TMCO4: variants seen among roughly 807,000 people sequenced by gnomAD.
TMCO4 encodes transmembrane and coiled-coil domains 4, also known as transmembrane and coiled-coil domain-containing protein 4.
Under a neutral mutation model 64.7 loss-of-function variants are expected in TMCO4, and 58 were observed. That is an observed-to-expected ratio of 0.90 (90% CI 0.73 to 1.12). TMCO4 has a LOEUF of 1.12. Among genes scored for constraint, TMCO4 ranks in the 50% most tolerant of loss-of-function variants. The probability of loss-of-function intolerance (pLI) is 0.00; values close to 1 mark genes in which losing one functional copy is unlikely to be tolerated. For synonymous variants in TMCO4, 325 were observed against 346.1 expected, an observed-to-expected ratio of 0.94 and a Z score of 0.68; for missense variants, 780 against 825.9, an observed-to-expected ratio of 0.94 and a Z score of 0.68.
chr1:19,793,494 T>C (rs1453488650), intron 2 of TMCO4, among the ~76,000 whole-genome samples: 2 of 152,072 alleles, frequency 1.3e-5, no homozygotes, highest in African/African-American at 4.8e-5. Flanking sequence ...CAGGCCCAGG[T>C]CAGCACCCTC....
chr1:19,723,812 G>GGGGGC (rs1479365873), intron 13 of TMCO4, among the ~76,000 whole-genome samples: 2 of 152,196 alleles, frequency 1.3e-5, no homozygotes, highest in Non-Finnish European at 2.9e-5. Context: ...TGGCCAATCT[G>GGGGGC]TGAGAGGAGG....
Position 19,683,056 on chromosome 1 carries a change from C to A in TMCO4, c.1889G>T (p.Ser630Ile). ...CTGCTGTGGTCAGTCCAGCCCCGTGCTGGGGCCCTGGGTCTTGCAGGCACA... is the reference window on the plus strand; with the variant it reads ...CTGCTGTGGTCAGTCCAGCCCCGTGATGGGGCCCTGGGTCTTGCAGGCACA... ...PDCACKTQGP[S>I]TGLD Residue 630 changes from serine to isoleucine, a missense_variant, in exon 16 of 16, where the codon AGC (serine) becomes ATC (isoleucine). Ser to Ile is a moderately radical substitution (Grantham distance 142). Coordinates refer to ENST00000294543, the MANE Select transcript of TMCO4 (RefSeq NM_181719.7). The A allele has an allele frequency of 6.3e-7, 1 of 1,591,092 alleles. No individual in the cohort carries two copies. The highest frequency in any genetic ancestry group is 1.7e-4 in the Middle Eastern group (1 of 5,908).
intron 4 of TMCO4, among the ~76,000 whole-genome samples, chr1:19,778,365 C>G (rs1224792082): frequency 1.3e-5 from 2 of 152,006 alleles, no homozygotes; most frequent in African/African-American, 4.8e-5. Context: ...CCTCTGCCTC[C>G]CGGGTTCAAG....
chr1:19,753,136 T>C (rs2042093052), intron 7 of TMCO4, among the ~76,000 whole-genome samples: 2 of 152,030 alleles, frequency 1.3e-5, no homozygotes, highest in South Asian at 4.2e-4. Flanking sequence ...ATTTTTGTAT[T>C]TTTAGTAGAG....
intron 6 of TMCO4, among the ~76,000 whole-genome samples, chr1:19,759,040 T>C (rs1043420129): frequency 6.9e-6 from 1 of 145,452 alleles, no homozygotes; most frequent in Non-Finnish European, 1.5e-5. Flanking sequence ...AGGCAGAGGT[T>C]GTAGTGAGCC....
chr1:19,751,707 C>G (rs1269183792), intron 7 of TMCO4, among the ~76,000 whole-genome samples: 1 of 152,178 alleles, frequency 6.6e-6, no homozygotes, highest in Non-Finnish European at 1.5e-5. Flanking sequence ...TAACGTTCAG[C>G]TGAATGGCCA....
chr1:19,721,130 C>T (rs758890192), intron 13 of TMCO4, among the ~76,000 whole-genome samples: 9 of 152,046 alleles, frequency 5.9e-5, no homozygotes, highest in Non-Finnish European at 1.2e-4. Context: ...CTGAGACTCA[C>T]GCATGGGACC....
At chr1:19,746,653 G>A (rs36067693) in intron 8 of TMCO4, 54 bp from the exon 9 acceptor site, 339,774 of 1,555,232 alleles carry the variant, frequency 0.22, 39,214 homozygotes, top group East Asian at 0.35. Context: ...GGCTGGACGC[G>A]GTGGCTCACG....
At chr1:19,783,568 A>C (rs1361118570) in intron 3 of TMCO4, among the ~76,000 whole-genome samples, 7 of 152,266 alleles carry the variant, frequency 4.6e-5, no homozygotes, top group Non-Finnish European at 1.0e-4. Context: ...CTTTTACAGC[A>C]CATAACTGTT....
intron 13 of TMCO4, among the ~76,000 whole-genome samples, chr1:19,723,692 C>A (rs1040439603): frequency 6.6e-6 from 1 of 152,218 alleles, no homozygotes; most frequent in African/African-American, 2.4e-5. Context: ...GGTCTCCTTT[C>A]CTCACCTGTA....
chr1:19,700,313 T>G (rs914017804), intron 14 of TMCO4, among the ~76,000 whole-genome samples: 43 of 151,966 alleles, frequency 2.8e-4, no homozygotes, highest in African/African-American at 1.0e-3. Flanking sequence ...CTGCCCTGTC[T>G]CCAAGGCAGC....
rs1384956644 is a variant in TMCO4 at position 19,743,049 on chromosome 1, C to CA, written c.878-2109dup. ...TGGTGATACAGCAAGACTCCGTCTC[C>CA]AAAAGAAAATAAAAATAAAAAAAAT... On this transcript the variant is annotated intron_variant, in intron 10 of 15. Transcript: ENST00000294543. The surrounding 1 kb of genome is among the most constrained non-coding windows in gnomAD (Gnocchi z 4.1). 1.5e-4 allele frequency among the ~76,000 whole-genome samples: 22 copies of CA among 150,082 alleles called. No individual in the cohort carries two copies. The highest frequency in any genetic ancestry group is 4.2e-4 in the South Asian group (2 of 4,740).
intron 14 of TMCO4, among the ~76,000 whole-genome samples, chr1:19,698,770 C>T (rs918311738): frequency 3.9e-5 from 6 of 152,206 alleles, no homozygotes; most frequent in Non-Finnish European, 8.8e-5. Context: ...CAGGGTCTCA[C>T]AAAATAATTG....
At chr1:19,757,175 T>A (rs2100949292) in intron 6 of TMCO4, among the ~76,000 whole-genome samples, 1 of 150,676 alleles carries the variant, frequency 6.6e-6, no homozygotes, top group Non-Finnish European at 1.5e-5. Flanking sequence ...GGGGCGCCTG[T>A]AATTTCCAGC....
chr1:19,752,444 G>A (rs929481583), intron 7 of TMCO4, among the ~76,000 whole-genome samples: 2 of 152,180 alleles, frequency 1.3e-5, no homozygotes, highest in African/African-American at 2.4e-5. Flanking sequence ...AGAGCAAGAC[G>A]CCCGCATTGC....
At chr1:19,745,714 G>A in intron 9 of TMCO4, 63 bp from the exon 10 acceptor site, 1 of 1,546,854 alleles carries the variant, frequency 6.5e-7, no homozygotes, top group Non-Finnish European at 8.7e-7. Flanking sequence ...CATCAGGGTG[G>A]CTGTATGTTC....
At chr1:19,730,700 G>T (rs769440139) in intron 13 of TMCO4, among the ~76,000 whole-genome samples, 37 of 152,228 alleles carry the variant, frequency 2.4e-4, no homozygotes, top group Non-Finnish European at 4.4e-4. Context: ...CCCCAAAAGG[G>T]AGTGGAAGCT....
intron 2 of TMCO4, among the ~76,000 whole-genome samples, chr1:19,791,947 G>A (rs1265096768): frequency 6.6e-6 from 1 of 152,126 alleles, no homozygotes; most frequent in Non-Finnish European, 1.5e-5. Flanking sequence ...CTGAATCATG[G>A]GGGTGAGTCT....
chr1:19,683,528 C>A lies in TMCO4; in HGVS notation c.1501-84G>T. Reference sequence around the variant, plus strand: ...GACCTCCGGCCAAACTTCTGGGCCTCAGCCTTGCCCTGAGCATCCACAGCC... The same window carrying A: ...GACCTCCGGCCAAACTTCTGGGCCTAAGCCTTGCCCTGAGCATCCACAGCC... On this transcript the variant is annotated intron_variant, in intron 15 of 15. Coordinates refer to ENST00000294543, the MANE Select transcript of TMCO4 (RefSeq NM_181719.7). 4.7e-6 allele frequency: 7 copies of A among 1,488,350 alleles called. No homozygotes were observed. The South Asian group carries it at 6.3e-5, about 13-fold the overall frequency. 92.2% of individuals were successfully genotyped at this position (1,488,350 alleles called of 1,614,324 possible). A position where few individuals can be genotyped will look rare whatever the true frequency, so the allele number is the denominator to read the frequency against.
Sources: allele counts gnomAD v4.1 joint callset (sites outside exome capture counted in the v4.1 genomes callset), GRCh38; gene constraint gnomAD v4.1.1; non-coding constraint Gnocchi (gnomAD v3.1); transcripts MANE v1.5; gene names NCBI Gene and HGNC (gene_info 2026-07-23, HGNC 2026-07-21).